Variants in CRACDL observed in about 807,000 individuals in gnomAD.
The protein encoded by CRACDL is CRACD-like protein.
A neutral mutation model predicts 70.6 loss-of-function variants in CRACDL; 26 were observed. The ratio of observed to expected loss-of-function variants is 0.37; its 90% confidence interval spans 0.27 to 0.51. The LOEUF is 0.51. Ranked by LOEUF, CRACDL falls within the 20% of genes least tolerant of loss-of-function variation. CRACDL has a pLI of 0.94. For synonymous variants in CRACDL, 618 were observed against 615.2 expected (o/e 1.00, Z -0.07); for missense variants, 1,283 against 1,376.9 (o/e 0.93, Z 1.08).
intron 7 of CRACDL, among the ~76,000 whole-genome samples, chr2:98,818,127 T>A (rs1704865751): frequency 6.6e-6 from 1 of 152,150 alleles, no homozygotes; most frequent in Admixed American, 6.5e-5. Flanking sequence ...TGCATAATGT[T>A]CTGCACAAAT....
intron 7 of CRACDL, among the ~76,000 whole-genome samples, chr2:98,803,157 G>A (rs186369856): frequency 0.03 from 4,541 of 152,038 alleles, 88 homozygotes; most frequent in Middle Eastern, 0.065. Flanking sequence ...GCACCACCAC[G>A]CTCAGCTAAT....
intron 1 of CRACDL, among the ~76,000 whole-genome samples, chr2:98,924,527 C>A (rs1183639881): frequency 6.6e-6 from 1 of 152,248 alleles, no homozygotes; most frequent in African/African-American, 2.4e-5. Flanking sequence ...TCTCCCTCTG[C>A]TCAGCTTTTA....
At chr2:98,844,909 CA>C (rs1262258458) in intron 2 of CRACDL, among the ~76,000 whole-genome samples, 2 of 152,164 alleles carry the variant, frequency 1.3e-5, no homozygotes, top group African/African-American at 4.8e-5. Context: ...CTGAATTACC[CA>C]AATGATGCAA....
At chr2:98,881,974 T>C (rs955156114) in intron 1 of CRACDL, among the ~76,000 whole-genome samples, 1 of 152,156 alleles carries the variant, frequency 6.6e-6, no homozygotes, top group Non-Finnish European at 1.5e-5. Context: ...TTTCTAATCC[T>C]GGGGGAGGAC....
At chr2:98,892,675 G>A (rs920269177) in intron 1 of CRACDL, among the ~76,000 whole-genome samples, 9 of 151,872 alleles carry the variant, frequency 5.9e-5, no homozygotes, top group African/African-American at 2.2e-4. Context: ...GGGCGAAAGA[G>A]TGAGGCTCAG....
chr2:98,802,192 G>A (rs1036420813), intron 7 of CRACDL, among the ~76,000 whole-genome samples: 7 of 152,266 alleles, frequency 4.6e-5, no homozygotes, highest in Non-Finnish European at 1.0e-4. Flanking sequence ...GAGAGCCAGC[G>A]GGTCTGATCG....
intron 7 of CRACDL, among the ~76,000 whole-genome samples, chr2:98,815,084 C>T (rs896905390): frequency 9.9e-5 from 15 of 151,838 alleles, no homozygotes; most frequent in African/African-American, 3.1e-4. Flanking sequence ...CCATTAATTC[C>T]AAGAGTACTC....
At chr2:98,889,902 A>T (rs182443420) in intron 1 of CRACDL, among the ~76,000 whole-genome samples, 20 of 152,346 alleles carry the variant, frequency 1.3e-4, no homozygotes. Flanking sequence ...ACACACTCCT[A>T]AATAACCAAT....
intron 7 of CRACDL, among the ~76,000 whole-genome samples, chr2:98,806,241 G>C (rs926670099): frequency 2.0e-5 from 3 of 152,218 alleles, no homozygotes; most frequent in Non-Finnish European, 2.9e-5. Flanking sequence ...TACCTGCTTT[G>C]GGGATCTATT....
At chr2:98,909,903 C>T (rs1235279914) in intron 1 of CRACDL, among the ~76,000 whole-genome samples, 1 of 152,180 alleles carries the variant, frequency 6.6e-6, no homozygotes, top group Non-Finnish European at 1.5e-5. Context: ...GAATGGGTAG[C>T]GGGGCTTGGG....
At chr2:98,905,764 C>G (rs890237514) in intron 1 of CRACDL, among the ~76,000 whole-genome samples, 1 of 151,992 alleles carries the variant, frequency 6.6e-6, no homozygotes, top group African/African-American at 2.4e-5. Context: ...ATAACAGGCA[C>G]ATGCCACCAT....
At position 98,902,490 on chromosome 2, in the gene CRACDL, T is replaced by C. The variant is rs558169397; in HGVS notation, c.-11+33448A>G. 1.4e-3 allele frequency among the ~76,000 whole-genome samples: 206 copies of C among 152,188 alleles called. 1 individual carries two copies. The highest frequency in any genetic ancestry group is 4.2e-3 in the African/African-American group (174 of 41,530). ...CCCGAGTGTGTGGGGCGCCTGAGTG[T>C]GGGGGTGTCAGGGGCTCCTGAGCAG... On this transcript the variant is annotated intron_variant, in intron 1 of 9. Coordinates refer to ENST00000397899, the MANE Select transcript of CRACDL (RefSeq NM_207362.3).
At position 98,826,955 on chromosome 2, in the gene CRACDL, G is replaced by A. The variant is rs758884716; in HGVS notation, c.735+20C>T. ...AAGCCTGCCTGGCCTGCCTCTGTGT[G>A]GAGAAGGAAACCCAATTACCGATGA... On this transcript the variant is annotated intron_variant, in intron 6 of 9. Coordinates refer to ENST00000397899, the MANE Select transcript of CRACDL (RefSeq NM_207362.3). 4 of 1,593,962 alleles carry A rather than the reference G, an allele frequency of 2.5e-6. No homozygotes were observed. Among genetic ancestry groups the A allele is most frequent in the East Asian group, 2.2e-5 (1 of 44,632 alleles).
chr2:98,853,605 G>T (rs761629398), intron 1 of CRACDL, among the ~76,000 whole-genome samples: 2 of 152,050 alleles, frequency 1.3e-5, no homozygotes, highest in Non-Finnish European at 2.9e-5. Flanking sequence ...AATGAATGTG[G>T]TAAATATGTG....
At chr2:98,863,002 T>C (rs1706997146) in intron 1 of CRACDL, among the ~76,000 whole-genome samples, 1 of 152,058 alleles carries the variant, frequency 6.6e-6, no homozygotes, top group African/African-American at 2.4e-5. Context: ...TATGTGTTTA[T>C]ACATACACAC....
intron 7 of CRACDL, among the ~76,000 whole-genome samples, chr2:98,818,350 C>T (rs1018896907): frequency 6.6e-6 from 1 of 152,220 alleles, no homozygotes; most frequent in African/African-American, 2.4e-5. Flanking sequence ...CTTTCCTACT[C>T]CTTCTGCTGA....
At chr2:98,815,611 C>G (rs2104447337) in intron 7 of CRACDL, among the ~76,000 whole-genome samples, 1 of 152,250 alleles carries the variant, frequency 6.6e-6, no homozygotes, top group South Asian at 2.1e-4. Flanking sequence ...TTGGGTTTCT[C>G]TGGGGGTAAT....
intron 1 of CRACDL, chr2:98,869,269 G>A (rs1707257384): frequency 8.1e-7 from 1 of 1,236,926 alleles, no homozygotes; most frequent in Non-Finnish European, 1.0e-6. Flanking sequence ...TCTCACAGAA[G>A]TACCCGTGCG....
intron 2 of CRACDL, among the ~76,000 whole-genome samples, chr2:98,843,829 T>C (rs1706135713): frequency 6.6e-6 from 1 of 152,214 alleles, no homozygotes; most frequent in Non-Finnish European, 1.5e-5. Flanking sequence ...CAAAATTGTT[T>C]TACCTATTCT....
Sources: gnomAD v4.1 joint callset for allele counts (sites outside exome capture counted in the v4.1 genomes callset) on GRCh38, gnomAD v4.1.1 for gene constraint, MANE v1.5 for transcripts, NCBI Gene and HGNC (gene_info 2026-07-23, HGNC 2026-07-21) for gene names.